The following EIF4G3 variants were observed in gnomAD, a reference collection of about 807,000 sequenced individuals.
EIF4G3 encodes eIF-4-gamma 3.
EIF4G3 carries 34 observed loss-of-function variants against 186.4 expected under a neutral mutation model. The observed-to-expected ratio is 0.18, with a 90% CI of 0.14 to 0.24. The LOEUF is 0.24. Ranked by LOEUF, EIF4G3 falls within the 10% of genes least tolerant of loss-of-function variation. The probability of loss-of-function intolerance (pLI) is 1.00; values close to 1 mark genes in which losing one functional copy is unlikely to be tolerated. For synonymous variants in EIF4G3, 673 were observed against 679.5 expected, an observed-to-expected ratio of 0.99 and a Z score of 0.15; for missense variants, 1,536 against 1,948.5, an observed-to-expected ratio of 0.79 and a Z score of 3.99.
At chr1:20,939,804 C>T (rs898573481) in intron 14 of EIF4G3, among the ~76,000 whole-genome samples, 15 of 149,006 alleles carry the variant, frequency 1.0e-4, no homozygotes, top group South Asian at 2.1e-4. Flanking sequence ...CGTGTTTCTT[C>T]GGAGGGCATT....
At chr1:21,107,927 T>G (rs191558441) in intron 2 of EIF4G3, among the ~76,000 whole-genome samples, 4 of 152,370 alleles carry the variant, frequency 2.6e-5, no homozygotes, top group African/African-American at 7.2e-5. Context: ...GCAGGAGGAC[T>G]GCTTGAGCCC....
chr1:20,841,865 A>AG (rs1302656732), intron 29 of EIF4G3, among the ~76,000 whole-genome samples: 1 of 148,062 alleles, frequency 6.8e-6, no homozygotes, highest in Non-Finnish European at 1.5e-5. Context: ...TCCAAGGGGG[A>AG]GGATGTAGGT....
intron 2 of EIF4G3, among the ~76,000 whole-genome samples, chr1:21,148,432 G>A (rs766554207): frequency 6.6e-6 from 1 of 152,050 alleles, no homozygotes; most frequent in Non-Finnish European, 1.5e-5. Context: ...GCCGGGCGCG[G>A]TGGCTCACAC....
intron 11 of EIF4G3, among the ~76,000 whole-genome samples, chr1:20,970,710 T>A (rs2075701636): frequency 1.3e-5 from 2 of 152,000 alleles, no homozygotes; most frequent in Admixed American, 1.3e-4. Context: ...ATGCCTGTAA[T>A]CCCACCACTT....
At chr1:21,068,832 G>C (rs2095352929) in intron 3 of EIF4G3, among the ~76,000 whole-genome samples, 1 of 152,100 alleles carries the variant, frequency 6.6e-6, no homozygotes, top group Non-Finnish European at 1.5e-5. Flanking sequence ...TTTGGAACCA[G>C]AAATGTTTCA....
At chr1:20,986,744 CAAAAAAAAAAAAAA>C (rs61255473) in intron 7 of EIF4G3, among the ~76,000 whole-genome samples, 3 of 66,300 alleles carry the variant, frequency 4.5e-5, no homozygotes, top group Admixed American at 2.5e-4. Flanking sequence ...GCTCTGTCTC[CAAAAAAAAAAAAAA>C]AAAAAAAAAA....
chr1:20,913,522 C>T (rs1190987518), intron 14 of EIF4G3, among the ~76,000 whole-genome samples: 1 of 152,032 alleles, frequency 6.6e-6, no homozygotes, highest in Non-Finnish European at 1.5e-5. Context: ...AGAGCAAGAA[C>T]CTGTCTCTAA....
chr1:20,933,862 A>G (rs1311976395), intron 14 of EIF4G3, among the ~76,000 whole-genome samples: 1 of 152,178 alleles, frequency 6.6e-6, no homozygotes. Context: ...TGACTCTGCA[A>G]GTGGAGATAT....
At chr1:20,969,674 G>C in intron 11 of EIF4G3, 78 bp from the exon 12 acceptor site, 1 of 1,389,282 alleles carries the variant, frequency 7.2e-7, no homozygotes, top group Non-Finnish European at 9.9e-7. Flanking sequence ...GTGAGTTAAA[G>C]GTGCAAACTG....
chr1:20,931,417 C>T (rs1378209883), intron 14 of EIF4G3, among the ~76,000 whole-genome samples: 2 of 152,264 alleles, frequency 1.3e-5, no homozygotes, highest in South Asian at 2.1e-4. Context: ...ACACTGCAAA[C>T]AGATGTGTCA....
Position 21,043,870 on chromosome 1 carries a change from C to CAAAA in EIF4G3, c.-67+6992_-67+6995dup, listed in dbSNP as rs1427967397. ...TGGGTGACAGAGTGAAACCTTGGCG[C>CAAAA]AAAAAAAAAAAAAGGAAGGATGGAA... On this transcript the variant is annotated intron_variant, in intron 4 of 36. Transcript: ENST00000602326. Among the ~76,000 whole-genome samples the CAAAA allele has an allele frequency of 1.6e-4, 23 of 140,926 alleles. 1 individual carries two copies. The highest frequency in any genetic ancestry group is 4.0e-4 in the African/African-American group (15 of 37,386). The allele number at this position is 140,926 out of a possible 152,430, so 92.5% of individuals were successfully genotyped here.
At chr1:20,924,773 G>A (rs1044862377) in intron 14 of EIF4G3, among the ~76,000 whole-genome samples, 1 of 152,164 alleles carries the variant, frequency 6.6e-6, no homozygotes, top group Non-Finnish European at 1.5e-5. Context: ...TGTTGGCCAG[G>A]CTGGTCTCGA....
chr1:21,154,561 T>G (rs573376221), intron 2 of EIF4G3, among the ~76,000 whole-genome samples: 1 of 152,210 alleles, frequency 6.6e-6, no homozygotes, highest in Admixed American at 6.6e-5. Context: ...TTTTTCAAAG[T>G]TTTGGTTTCC....
Position 20,976,763 on chromosome 1 carries a change from C to T in EIF4G3, c.493+3571G>A, listed in dbSNP as rs10916913. Reference sequence around the variant, plus strand: ...AGAAACAATAATAAACATGGCCAGGCGCAGTGGCTCATGCCTGTAATCCTA... The same window carrying T: ...AGAAACAATAATAAACATGGCCAGGTGCAGTGGCTCATGCCTGTAATCCTA... On this transcript the variant is annotated intron_variant, in intron 10 of 36. Transcript: ENST00000602326. Among the ~76,000 whole-genome samples, 1,516 of 152,208 alleles carry T rather than the reference C, an allele frequency of 1.0e-2. 23 individuals are homozygous for T. The highest frequency in any genetic ancestry group is 0.035 in the African/African-American group (1,448 of 41,538).
At chr1:21,127,092 C>T (rs1240332273) in intron 2 of EIF4G3, among the ~76,000 whole-genome samples, 1 of 152,080 alleles carries the variant, frequency 6.6e-6, no homozygotes, top group Non-Finnish European at 1.5e-5. Context: ...AAGCAATCCT[C>T]CCACTTCAGC....
intron 2 of EIF4G3, among the ~76,000 whole-genome samples, chr1:21,098,317 G>A (rs2096428188): frequency 1.3e-5 from 2 of 151,996 alleles, no homozygotes; most frequent in African/African-American, 4.8e-5. Flanking sequence ...TGAGGTGGGT[G>A]AACTGCTTGA....
intron 12 of EIF4G3, among the ~76,000 whole-genome samples, chr1:20,960,652 C>G (rs1411358029): frequency 6.6e-6 from 1 of 152,002 alleles, no homozygotes; most frequent in African/African-American, 2.4e-5. Flanking sequence ...ACTCAGAAGG[C>G]TGAGGTGGAG....
intron 29 of EIF4G3, among the ~76,000 whole-genome samples, chr1:20,847,416 A>G (rs2071505842): frequency 6.6e-6 from 1 of 152,136 alleles, no homozygotes; most frequent in African/African-American, 2.4e-5. Flanking sequence ...TGATTCTCCA[A>G]AGAGTCCTCC....
chr1:21,116,272 A>G (rs753265441), intron 2 of EIF4G3, among the ~76,000 whole-genome samples: 1 of 152,172 alleles, frequency 6.6e-6, no homozygotes, highest in African/African-American at 2.4e-5. Flanking sequence ...CCTTCTTAGA[A>G]TATGTGACAA....
Sources: allele counts gnomAD v4.1 joint callset (sites outside exome capture counted in the v4.1 genomes callset), GRCh38; gene constraint gnomAD v4.1.1; transcripts MANE v1.5; gene names NCBI Gene and HGNC (gene_info 2026-07-23, HGNC 2026-07-21).